ITIH6: variants seen among roughly 807,000 people sequenced by gnomAD.
ITIH6 encodes the protein inter-alpha-trypsin inhibitor heavy chain H6.
A neutral mutation model predicts 58.2 loss-of-function variants in ITIH6; 60 were observed. The observed-to-expected ratio is 1.03, with a 90% CI of 0.84 to 1.28. ITIH6 has a LOEUF of 1.28. Ranked by LOEUF, ITIH6 falls within the 50% of genes most tolerant of loss-of-function variation. The probability of loss-of-function intolerance (pLI) is 0.00; values close to 1 mark genes in which losing one functional copy is unlikely to be tolerated. For missense variants in ITIH6, 1,290 were observed against 1,021.1 expected (o/e 1.26, Z -3.59); for synonymous variants, 493 against 417.4 (o/e 1.18, Z -2.21).
intron 2 of ITIH6, among the ~76,000 whole-genome samples, chrX:54,795,726 T>G (rs1929429806): frequency 8.9e-6 from 1 of 112,033 alleles, no homozygotes; most frequent in Non-Finnish European, 1.9e-5. Flanking sequence ...AGTTTAGGTG[T>G]TATCTCTCTG....
In ITIH6 at chrX:54,749,611, T is replaced by G. The variant is rs754687267; in HGVS notation, c.*284A>C. The stretch of plus-strand genomic sequence containing the variant: ...CTGTGAGCAGAACTACTGATCATTT[T>G]TTCGTTTTACAAAAGTGGCTTGTAG... On this transcript the variant is annotated 3_prime_UTR_variant, in exon 13 of 13. Coordinates refer to ENST00000218436, the MANE Select transcript of ITIH6 (RefSeq NM_198510.3). 1 of 285,784 alleles carries G rather than the reference T, an allele frequency of 3.5e-6. No individual in the cohort carries two copies. Among genetic ancestry groups the G allele is most frequent in the Admixed American group, 5.9e-5 (1 of 17,017 alleles). The allele number at this position is 285,784 out of a possible 1,213,427, so 23.6% of individuals were successfully genotyped here. A position where few individuals can be genotyped will look rare whatever the true frequency, so the allele number is the denominator to read the frequency against.
chrX:54,750,431 A>G (rs965918058), intron 12 of ITIH6, among the ~76,000 whole-genome samples: 4 of 111,101 alleles, frequency 3.6e-5, no homozygotes, highest in Non-Finnish European at 5.7e-5. Flanking sequence ...TGTTTAACCC[A>G]CTGTCACTCT....
intron 9 of ITIH6, among the ~76,000 whole-genome samples, chrX:54,754,538 T>C (rs2147599893): frequency 9.0e-6 from 1 of 111,536 alleles, no homozygotes; most frequent in Admixed American, 9.5e-5. Context: ...GGTTTGGCAT[T>C]AGGGGAATGC....
chrX:54,785,214 T>G, intron 5 of ITIH6, among the ~76,000 whole-genome samples: 1 of 90,157 alleles, frequency 1.1e-5, no homozygotes, highest in Non-Finnish European at 2.2e-5. Flanking sequence ...GGGAGTGGGG[T>G]AGCGGGGAGA....
chrX:54,763,591 T>C (rs1024009034), intron 6 of ITIH6, among the ~76,000 whole-genome samples: 1 of 112,448 alleles, frequency 8.9e-6, no homozygotes, highest in African/African-American at 3.2e-5. Context: ...TCTTGGTAAA[T>C]GTTCCACGTG....
intron 2 of ITIH6, among the ~76,000 whole-genome samples, chrX:54,793,668 A>G (rs1929387099): frequency 8.9e-6 from 1 of 112,059 alleles, no homozygotes; most frequent in African/African-American, 3.2e-5. Context: ...TGGAGTGGAC[A>G]TCCTGGACAG....
At chrX:54,779,072 C>T (rs181205684) in intron 5 of ITIH6, among the ~76,000 whole-genome samples, 2 of 112,094 alleles carry the variant, frequency 1.8e-5, no homozygotes, top group Admixed American at 9.4e-5. Flanking sequence ...TAAAGAGTTT[C>T]CCAGACAAAA....
intron 6 of ITIH6, 64 bp from the exon 7 acceptor site, chrX:54,759,991 T>C: frequency 1.1e-6 from 1 of 917,634 alleles, no homozygotes; most frequent in Non-Finnish European, 1.5e-6. Context: ...ATTGAAAGGC[T>C]TTTTCTACAC....
At chrX:54,767,797 A>T (rs1413637819) in intron 6 of ITIH6, among the ~76,000 whole-genome samples, 156 of 90,785 alleles carry the variant, frequency 1.7e-3, no homozygotes, top group Middle Eastern at 0.011. Flanking sequence ...TGCTGAGGAG[A>T]GCTTTACTTC....
At chrX:54,792,995 C>G (rs535568649) in intron 2 of ITIH6, among the ~76,000 whole-genome samples, 1 of 110,691 alleles carries the variant, frequency 9.0e-6, no homozygotes, top group Admixed American at 9.6e-5. Context: ...CTTCTGTCCT[C>G]TATTCTTTCT....
At chrX:54,790,247 C>T (rs1178983003) in intron 4 of ITIH6, among the ~76,000 whole-genome samples, 1 of 108,121 alleles carries the variant, frequency 9.2e-6, no homozygotes, top group African/African-American at 3.4e-5. Flanking sequence ...CTGGGCCCCA[C>T]CCCCATGCTA....
chrX:54,753,912 T>A lies in ITIH6; in HGVS notation c.3238+18A>T, dbSNP rs751718552. The A allele has an allele frequency of 2.6e-5, 31 of 1,204,534 alleles. No homozygotes were observed. Among genetic ancestry groups the A allele is most frequent in the Non-Finnish European group, 3.5e-5 (31 of 890,044 alleles). On this transcript the variant is annotated intron_variant, in intron 10 of 12. Transcript: ENST00000218436. The stretch of plus-strand genomic sequence containing the variant: ...GCCCTGTACTCAAACAGGGGAGCCA[T>A]GGGGGTGACTGGCTTACCTGAGGAG...
chrX:54,762,276 G>A (rs1212565350), intron 6 of ITIH6, among the ~76,000 whole-genome samples: 1 of 111,467 alleles, frequency 9.0e-6, no homozygotes, highest in African/African-American at 3.3e-5. Context: ...TGTGATTTTT[G>A]CACATTGATT....
At chrX:54,772,988 C>G (rs1226480254) in intron 6 of ITIH6, among the ~76,000 whole-genome samples, 3 of 111,580 alleles carry the variant, frequency 2.7e-5, no homozygotes, top group Non-Finnish European at 5.6e-5. Flanking sequence ...CCAGGCTGGT[C>G]TCAAACTCCT....
At position 54,751,046 on chromosome X, in the gene ITIH6, C is replaced by A; in HGVS notation, c.3687G>T (p.Val1229=). 1 of 1,186,296 alleles carries A rather than the reference C, an allele frequency of 8.4e-7. No homozygotes were observed. The highest frequency in any genetic ancestry group is 1.1e-6 in the Non-Finnish European group (1 of 882,715). ...AGGGGCTGAGGCCTGAGCCATTGGC[C>A]ACGTAGAACCCCAGGTGGGGTAGTT... ...TLQLPHLGFY[V]ANGSGLSPSA... Residue 1229 remains valine (V), a synonymous_variant, in exon 12 of 13, where the codon GTG becomes GTT. Coordinates refer to ENST00000218436, the MANE Select transcript of ITIH6 (RefSeq NM_198510.3).
intron 6 of ITIH6, among the ~76,000 whole-genome samples, chrX:54,761,812 C>G (rs1377008450): frequency 8.9e-6 from 1 of 111,773 alleles, no homozygotes; most frequent in Non-Finnish European, 1.9e-5. Context: ...TGTTTTGGTA[C>G]CAGTACCATG....
At position 54,750,125 on chromosome X, in the gene ITIH6, G is replaced by A. The variant is rs1194463240; in HGVS notation, c.3731-19C>T. 11 of 1,157,783 alleles carry A rather than the reference G, an allele frequency of 9.5e-6. No individual in the cohort carries two copies. Among genetic ancestry groups the A allele is most frequent in the Non-Finnish European group, 1.2e-5 (10 of 854,634 alleles). Reference sequence around the variant, plus strand: ...AACTGCCCTGAGGGAGAGAGATGCAGTGCTAGTCAGGGAGGTGGCCTGAGT... The same window carrying A: ...AACTGCCCTGAGGGAGAGAGATGCAATGCTAGTCAGGGAGGTGGCCTGAGT... On this transcript the variant is annotated intron_variant, in intron 12 of 12. Coordinates refer to ENST00000218436, the MANE Select transcript of ITIH6 (RefSeq NM_198510.3).
In ITIH6 at chrX:54,749,996, C is replaced by T. The variant is rs765238720; in HGVS notation, c.3841G>A (p.Asp1281Asn). 1 of 1,211,387 alleles carries T rather than the reference C, an allele frequency of 8.3e-7. No individual in the cohort carries two copies. Among genetic ancestry groups the T allele is most frequent in the Admixed American group, 2.2e-5 (1 of 46,043 alleles). ...CAGCGGGGCAGCAGCCTTGGTGAGT[C>T]CTTCAGCAGCCTCTTGCCTAGAATC... ...PVILGKRLLK[D>N]SPRLLPRWAS... Residue 1281 changes from aspartate to asparagine, a missense_variant, in exon 13 of 13, where the codon GAC (aspartate) becomes AAC (asparagine). Coordinates refer to ENST00000218436, the MANE Select transcript of ITIH6 (RefSeq NM_198510.3).
rs1489450511 is a variant in ITIH6, at chrX:54,757,605, G to T, written c.2469C>A (p.His823Gln). The change falls in exon 8 of 13, where the codon CAC (histidine) becomes CAA (glutamine). Residue 823 changes from histidine to glutamine, a missense_variant. Physicochemically the swap from His to Gln is conservative, Grantham distance 24. Transcript: ENST00000218436. ...STLQVPKYPL[H>Q]TRPRVPAPKT... ...TGGGAGCAGGAACCCTAGGTCTGGT[G>T]TGTAGTGGGTACTTGGGAACCTGAA... is the stretch of plus-strand genomic sequence containing the variant. 8.3e-7 allele frequency: 1 copy of T among 1,211,360 alleles called. No individual in the cohort carries two copies. Among genetic ancestry groups the T allele is most frequent in the Non-Finnish European group, 1.1e-6 (1 of 895,318 alleles).
Sources: allele counts gnomAD v4.1 joint callset (sites outside exome capture counted in the v4.1 genomes callset), GRCh38; gene constraint gnomAD v4.1.1; transcripts MANE v1.5; gene names NCBI Gene and HGNC (gene_info 2026-07-23, HGNC 2026-07-21).